The following DLG2 variants were observed in gnomAD, a reference collection of about 807,000 sequenced individuals.
DLG2 encodes the protein disks large homolog 2.
Under a neutral mutation model 132.5 loss-of-function variants are expected in DLG2, and 45 were observed. That is an observed-to-expected ratio of 0.34 (90% CI 0.27 to 0.44). DLG2 has a LOEUF of 0.44. DLG2 is among the 20% of genes least tolerant of loss of function. The pLI is 1.00. For missense variants in DLG2, 1,045 were observed against 1,196.9 expected, an observed-to-expected ratio of 0.87 and a Z score of 1.87; for synonymous variants, 424 against 419.6, an observed-to-expected ratio of 1.01 and a Z score of -0.13.
In DLG2 at chr11:85,271,711, C is replaced by G. The variant is rs115371265; in HGVS notation, c.186+13509G>C. 5.4e-3 allele frequency among the ~76,000 whole-genome samples: 823 copies of G among 152,346 alleles called. 7 individuals are homozygous for G. Among genetic ancestry groups the G allele is most frequent in the African/African-American group, 0.018 (763 of 41,580 alleles). On this transcript the variant is annotated intron_variant, in intron 4 of 27. Transcript: ENST00000376104. ...AATCTGGAGCTTTAAGATTTGACTG[C>G]ACTGCTGGCTTTCAGACTTGCATGG...
intron 6 of DLG2, among the ~76,000 whole-genome samples, chr11:84,948,343 T>C (rs1433170705): frequency 6.6e-6 from 1 of 152,240 alleles, no homozygotes; most frequent in Non-Finnish European, 1.5e-5. Flanking sequence ...AGCAATTTGC[T>C]GTCTGTCTGC....
At chr11:84,963,774 C>A (rs1057030276) in intron 6 of DLG2, among the ~76,000 whole-genome samples, 8 of 152,144 alleles carry the variant, frequency 5.3e-5, no homozygotes, top group Admixed American at 5.2e-4. Flanking sequence ...TCATTACAAT[C>A]TTTCCTACAT....
At chr11:84,230,601 TGGTCTACTTAG>T (rs552887057) in intron 8 of DLG2, among the ~76,000 whole-genome samples, 35 of 152,286 alleles carry the variant, frequency 2.3e-4, no homozygotes, top group Non-Finnish European at 4.6e-4. Context: ...AAGGAGCTTA[TGGTCTACTTAG>T]GGGAAAGATA....
intron 6 of DLG2, among the ~76,000 whole-genome samples, chr11:85,109,060 GAA>G (rs35526673): frequency 2.0e-5 from 3 of 151,530 alleles, no homozygotes; most frequent in Admixed American, 6.6e-5. Context: ...AAATTCCCAG[GAA>G]AAAAAAATTC....
chr11:85,006,315 T>C (rs2058659496), intron 6 of DLG2, among the ~76,000 whole-genome samples: 1 of 152,226 alleles, frequency 6.6e-6, no homozygotes, highest in African/African-American at 2.4e-5. Flanking sequence ...CCAGCTCCTC[T>C]TTGTACCTCT....
intron 21 of DLG2, among the ~76,000 whole-genome samples, chr11:83,504,560 A>G (rs1029671002): frequency 2.0e-5 from 3 of 152,102 alleles, no homozygotes; most frequent in African/African-American, 7.2e-5. Flanking sequence ...CCAGGTGGCA[A>G]TCTTAACTTC....
chr11:84,272,845 AAT>A, intron 7 of DLG2, among the ~76,000 whole-genome samples: 1 of 152,210 alleles, frequency 6.6e-6, no homozygotes, highest in Non-Finnish European at 1.5e-5. Context: ...TTCAAACATT[AAT>A]ATATGGAATA....
chr11:84,165,838 C>A (rs993855354), intron 8 of DLG2, among the ~76,000 whole-genome samples: 1 of 152,068 alleles, frequency 6.6e-6, no homozygotes, highest in African/African-American at 2.4e-5. Flanking sequence ...ATGGAGGTTA[C>A]AGTGAGCCGA....
chr11:85,206,907 A>T (rs2081937117), intron 4 of DLG2, among the ~76,000 whole-genome samples: 1 of 152,188 alleles, frequency 6.6e-6, no homozygotes, highest in African/African-American at 2.4e-5. Flanking sequence ...TTGTCACAAA[A>T]AAAATCTTCA....
At chr11:83,542,651 G>T (rs2096113126) in intron 19 of DLG2, among the ~76,000 whole-genome samples, 1 of 152,164 alleles carries the variant, frequency 6.6e-6, no homozygotes, top group African/African-American at 2.4e-5. Flanking sequence ...CCAATGCACT[G>T]TAATATGTAT....
chr11:85,129,786 G>T (rs975184008), intron 5 of DLG2, among the ~76,000 whole-genome samples: 1 of 152,062 alleles, frequency 6.6e-6, no homozygotes, highest in Non-Finnish European at 1.5e-5. Context: ...ATTCACAATC[G>T]CAAAGACTTG....
At chr11:84,343,754 G>T (rs1477399093) in intron 7 of DLG2, among the ~76,000 whole-genome samples, 1 of 151,976 alleles carries the variant, frequency 6.6e-6, no homozygotes, top group Admixed American at 6.6e-5. Context: ...TAAGGTGAAG[G>T]TATTATTGTT....
intron 6 of DLG2, among the ~76,000 whole-genome samples, chr11:84,656,871 A>AC (rs1370990299): frequency 6.6e-6 from 1 of 152,040 alleles, no homozygotes; most frequent in Non-Finnish European, 1.5e-5. Flanking sequence ...TTAATTCTCT[A>AC]CCCCCCAACA....
intron 17 of DLG2, among the ~76,000 whole-genome samples, chr11:83,795,945 C>A (rs2042719812): frequency 6.6e-6 from 1 of 152,202 alleles, no homozygotes; most frequent in Non-Finnish European, 1.5e-5. Context: ...ATGCTATTTT[C>A]CATATCTAGA....
At chr11:84,564,455 C>T (rs774378578) in intron 6 of DLG2, among the ~76,000 whole-genome samples, 3 of 152,104 alleles carry the variant, frequency 2.0e-5, no homozygotes, top group Non-Finnish European at 2.9e-5. Context: ...GTACTATTCC[C>T]TTATTGGGTG....
intron 6 of DLG2, among the ~76,000 whole-genome samples, chr11:84,788,211 A>G (rs957644846): frequency 1.3e-5 from 2 of 151,980 alleles, no homozygotes; most frequent in South Asian, 2.1e-4. Flanking sequence ...AAATAGTAAA[A>G]CAAAATCAGT....
chr11:85,215,426 A>T (rs1398495724), intron 4 of DLG2, among the ~76,000 whole-genome samples: 1 of 152,218 alleles, frequency 6.6e-6, no homozygotes, highest in East Asian at 1.9e-4. Context: ...TGCTGAAGGA[A>T]TTCAGAATAT....
At chr11:83,596,639 A>T (rs17145676) in intron 19 of DLG2, among the ~76,000 whole-genome samples, 1 of 152,098 alleles carries the variant, frequency 6.6e-6, no homozygotes, top group Non-Finnish European at 1.5e-5. Flanking sequence ...TAGAGTCCCA[A>T]GTTACTTTAC....
At chr11:85,067,258 G>T (rs2065063546) in intron 6 of DLG2, among the ~76,000 whole-genome samples, 3 of 151,696 alleles carry the variant, frequency 2.0e-5, no homozygotes, top group Non-Finnish European at 2.9e-5. Context: ...AGTCTTGCTA[G>T]CAGTCTATCA....
Sources: gnomAD v4.1 joint callset for allele counts (sites outside exome capture counted in the v4.1 genomes callset) on GRCh38, gnomAD v4.1.1 for gene constraint, MANE v1.5 for transcripts, NCBI Gene and HGNC (gene_info 2026-07-23, HGNC 2026-07-21) for gene names.